ZNF559: variants seen among roughly 807,000 people sequenced by gnomAD.
ZNF559 encodes zinc finger protein 559, also known as putative protein product of Nbla00121.
In ZNF559, 17 loss-of-function variants were observed where a neutral mutation model predicts 14.2. That is an observed-to-expected ratio of 1.20 (90% CI 0.82 to 1.80). ZNF559 has a LOEUF of 1.80. ZNF559 is among the 40% of genes most tolerant of loss of function. The pLI is 0.00. For missense variants in ZNF559, 740 were observed against 629.7 expected (o/e 1.18, Z -1.88); for synonymous variants, 244 against 212.4 (o/e 1.15, Z -1.29).
At chr19:9,324,495 T>A (rs2066458042) in intron 1 of ZNF559, 200 bp from the exon 2 acceptor site, 2 of 1,377,214 alleles carry the variant, frequency 1.5e-6, no homozygotes, top group African/African-American at 2.9e-5. Flanking sequence ...TGCTCCCCTC[T>A]GCAGAAGCCT....
intron 4 of ZNF559, 103 bp from the exon 5 acceptor site, chr19:9,339,090 C>T: frequency 1.3e-6 from 2 of 1,526,328 alleles, no homozygotes; most frequent in Non-Finnish European, 1.8e-6. Context: ...TGATAGGAGA[C>T]CAAAGAGTCT....
chr19:9,335,047 A>T (rs2067153433), intron 2 of ZNF559, among the ~76,000 whole-genome samples: 1 of 151,974 alleles, frequency 6.6e-6, no homozygotes, highest in South Asian at 2.1e-4. Context: ...GAGGCAAGAG[A>T]ATGGCGTGAA....
At chr19:9,324,518 C>T (rs995769314) in intron 1 of ZNF559, 177 bp from the exon 2 acceptor site, 2 of 1,292,076 alleles carry the variant, frequency 1.5e-6, no homozygotes, top group African/African-American at 1.5e-5. Flanking sequence ...TAGGGCCCGG[C>T]GCGGCGGCTC....
In ZNF559 at chr19:9,342,178, T is replaced by TGTAA. The variant is rs1381259459; in HGVS notation, c.728_731dup (p.Ala245Ter). On this transcript the variant is annotated frameshift_variant, in exon 7 of 7. Transcript: ENST00000603380. LOFTEE classifies it low-confidence loss of function (END_TRUNC). ...TCAAGATGGAGAAAAATTCTATGAA[T>TGTAA]GTAAAGCATGTGGGAAACCCTTCAC... The TGTAA allele has an allele frequency of 1.2e-6, 2 of 1,608,072 alleles. No individual in the cohort carries two copies. Among genetic ancestry groups the TGTAA allele is most frequent in the Admixed American group, 3.4e-5 (2 of 58,358 alleles).
chr19:9,330,698 T>C (rs544357488), intron 2 of ZNF559, among the ~76,000 whole-genome samples: 264 of 152,330 alleles, frequency 1.7e-3, no homozygotes, highest in African/African-American at 6.1e-3. Context: ...CATTCATGTA[T>C]TATTTTCCTG....
rs2067687933 is a variant in ZNF559 at position 9,344,448 on chromosome 19, G to A, written c.*1380G>A. ...ACTTGAGCCCAGGAGTTCAAGACCA[G>A]CCTGGGCAATATAGTGAAACCTCAT... On this transcript the variant is annotated 3_prime_UTR_variant, in exon 7 of 7. Coordinates refer to ENST00000603380, the MANE Select transcript of ZNF559 (RefSeq NM_032497.3). The A allele has an allele frequency of 6.6e-6, 1 of 152,184 alleles. No individual in the cohort carries two copies. The highest frequency in any genetic ancestry group is 2.4e-5 in the African/African-American group (1 of 41,414). 9.4% of individuals were successfully genotyped at this position (152,184 alleles called of 1,614,324 possible).
intron 1 of ZNF559, 47 bp downstream of exon 1, chr19:9,324,275 C>T (rs2066438042): frequency 1.3e-6 from 2 of 1,535,936 alleles, no homozygotes; most frequent in African/African-American, 2.7e-5. Context: ...CCGGTGCAGC[C>T]ACGCGAGAGT....
Position 9,342,005 on chromosome 19 carries a change from A to C in ZNF559, c.554A>C (p.Tyr185Ser). The change falls in exon 7 of 7, where the codon TAT becomes TCT. Residue 185 changes from tyrosine to serine, a missense_variant. Physicochemically the swap from Tyr to Ser is moderately radical, Grantham distance 144. Coordinates refer to ENST00000603380, the MANE Select transcript of ZNF559 (RefSeq NM_032497.3). Reference protein sequence around the residue: ...CKKTHTQEKPYKCSDCEKGLP... With the variant: ...CKKTHTQEKPSKCSDCEKGLP... ...AAAACTCACACTCAAGAGAAACCAT[A>C]TAAATGCAGTGACTGTGAAAAAGGC... The C allele has an allele frequency of 6.2e-7, 1 of 1,611,092 alleles. No homozygotes were observed. The highest frequency in any genetic ancestry group is 8.5e-7 in the Non-Finnish European group (1 of 1,179,192).
upstream of ZNF559, chr19:9,324,042 C>T (rs940642309): frequency 2.5e-5 from 26 of 1,029,468 alleles, no homozygotes; most frequent in Non-Finnish European, 3.2e-5. Flanking sequence ...CACTTGCGCT[C>T]TTCGGGGAGG....
intron 5 of ZNF559, among the ~76,000 whole-genome samples, chr19:9,339,997 A>G (rs1367190237): frequency 7.5e-6 from 1 of 133,950 alleles, no homozygotes; most frequent in Non-Finnish European, 1.5e-5. Context: ...TGTGTTAGCC[A>G]GGATGGTCTC....
At position 9,341,931 on chromosome 19, in the gene ZNF559, A is replaced by G. The variant is rs1182888307; in HGVS notation, c.480A>G (p.Leu160=). Residue 160 remains leucine, a synonymous_variant, in exon 7 of 7, where the codon CTA becomes CTG. Transcript: ENST00000603380. The stretch of plus-strand genomic sequence containing the variant: ...GTGAAACAGCCTTCAGCCAACATCT[A>G]CATCTTGTTTGCAAGAAAACTAGCC... ...NQCETAFSQH[L]HLVCKKTSQN... 8.1e-6 allele frequency: 13 copies of G among 1,613,766 alleles called. No homozygotes were observed. Among genetic ancestry groups the G allele is most frequent in the Non-Finnish European group, 1.1e-5 (13 of 1,179,910 alleles).
rs2067662537 is a variant in ZNF559 at position 9,343,361 on chromosome 19, CATGCTGGAGAGAA to C, written c.*299_*311del. The C allele has an allele frequency of 8.6e-7, 1 of 1,156,406 alleles. No individual in the cohort carries two copies. The highest frequency in any genetic ancestry group is 2.6e-5 in the South Asian group (1 of 38,448). 71.6% of individuals were successfully genotyped at this position (1,156,406 alleles called of 1,614,324 possible). ...ACATCTTACTGAGTCTGTTTGAACT[CATGCTGGAGAGAA>C]ATGCTATGAATGTGAGGAAGGTGGA... On this transcript the variant is annotated 3_prime_UTR_variant, in exon 7 of 7. Transcript: ENST00000603380.
chr19:9,339,958 T>A (rs1159063565), intron 5 of ZNF559, among the ~76,000 whole-genome samples: 78 of 99,272 alleles, frequency 7.9e-4, no homozygotes, highest in Admixed American at 5.7e-3. Context: ...TTTTTTTTTT[T>A]TGTATTTTTA....
At chr19:9,337,046 A>G (rs1301604271) in intron 2 of ZNF559, among the ~76,000 whole-genome samples, 3 of 152,216 alleles carry the variant, frequency 2.0e-5, no homozygotes, top group Non-Finnish European at 4.4e-5. Flanking sequence ...AGTCACATGG[A>G]CAGTGCTTAA....
rs141885724 is a variant in ZNF559 at position 9,335,776 on chromosome 19, C to G, written c.-119-2020C>G. Among the ~76,000 whole-genome samples the G allele has an allele frequency of 3.0e-3, 458 of 152,344 alleles. 1 individual carries two copies. The highest frequency in any genetic ancestry group is 0.01 in the African/African-American group (427 of 41,576). ...TCTCAAACTTGTGAGCTCAAGTGATCTGCCTGCTTTGGCCTCCCAGAGTGC... is the reference window on the plus strand; with the variant it reads ...TCTCAAACTTGTGAGCTCAAGTGATGTGCCTGCTTTGGCCTCCCAGAGTGC... On this transcript the variant is annotated intron_variant, in intron 2 of 6. Transcript: ENST00000603380.
intron 2 of ZNF559, among the ~76,000 whole-genome samples, chr19:9,326,985 G>T (rs1037332619): frequency 3.3e-5 from 5 of 152,092 alleles, no homozygotes; most frequent in African/African-American, 1.2e-4. Flanking sequence ...GCCACATGGG[G>T]CTAGTGGCTG....
rs1240396558 is a variant in ZNF559, at chr19:9,342,734, T to G, written c.1283T>G (p.Leu428Trp). The stretch of plus-strand genomic sequence containing the variant: ...CGATCCTCATTTCTTATTCGACATT[T>G]GAGAAGTCACAGTGCAGAAAGGCCT... ...FIRSSFLIRH[L>W]RSHSAERPFE... Residue 428 changes from leucine to tryptophan, a missense_variant, in exon 7 of 7, where the codon TTG becomes TGG. Physicochemically the swap from Leu to Trp is moderately conservative, Grantham distance 61. Transcript: ENST00000603380. The G allele has an allele frequency of 6.2e-7, 1 of 1,614,134 alleles. No homozygotes were observed. The highest frequency in any genetic ancestry group is 8.5e-7 in the Non-Finnish European group (1 of 1,180,004).
At chr19:9,338,025 C>G in intron 3 of ZNF559, 167 bp downstream of exon 3, 1 of 1,535,116 alleles carries the variant, frequency 6.5e-7, no homozygotes, top group Admixed American at 2.0e-5. Context: ...GTGGTAAGTC[C>G]GTATTGATGG....
rs923083182 is a variant in ZNF559, at chr19:9,342,513, A to C, written c.1062A>C (p.Glu354Asp). The change falls in exon 7 of 7, where the codon GAA becomes GAC. Residue 354 changes from glutamate to aspartate, a missense_variant. Coordinates refer to ENST00000603380, the MANE Select transcript of ZNF559 (RefSeq NM_032497.3). The part of the protein sequence containing the change: ...RRTHTGEKPY[E>D]CKECGKAFAN... ...CTCACACTGGAGAAAAGCCTTATGA[A>C]TGTAAGGAATGTGGGAAAGCTTTTG... is the stretch of plus-strand genomic sequence containing the variant. 4 of 1,614,026 alleles carry C rather than the reference A, an allele frequency of 2.5e-6. No homozygotes were observed. The African/African-American group carries it at 5.3e-5, about 22-fold the overall frequency.
Sources: allele counts gnomAD v4.1 joint callset (sites outside exome capture counted in the v4.1 genomes callset), GRCh38; gene constraint gnomAD v4.1.1; transcripts MANE v1.5; gene names NCBI Gene and HGNC (gene_info 2026-07-23, HGNC 2026-07-21).